Variants in GYS2 observed in about 807,000 individuals in gnomAD.
GYS2 encodes the protein glycogen synthase 2.
GYS2 carries 80 observed loss-of-function variants against 85.6 expected under a neutral mutation model. The ratio of observed to expected loss-of-function variants is 0.93; its 90% CI spans 0.78 to 1.13. The LOEUF is 1.13. Among genes scored for constraint, GYS2 ranks in the 50% most tolerant of loss-of-function variants. The pLI is 0.00. For synonymous variants in GYS2, 328 were observed against 300.7 expected, an observed-to-expected ratio of 1.09 and a Z score of -0.94; for missense variants, 881 against 854.9, an observed-to-expected ratio of 1.03 and a Z score of -0.38.
intron 15 of GYS2, 34 bp downstream of exon 15, chr12:21,539,224 A>G: frequency 9.1e-7 from 1 of 1,104,078 alleles, no homozygotes; most frequent in East Asian, 2.5e-5. Flanking sequence ...AAAAAGAAAT[A>G]TAGCTTTCAA....
intron 11 of GYS2, among the ~76,000 whole-genome samples, chr12:21,553,386 C>G (rs1260461354): frequency 6.6e-6 from 1 of 152,188 alleles, no homozygotes; most frequent in East Asian, 1.9e-4. Context: ...ATAGATCTGC[C>G]AACCCTGGAA....
At chr12:21,563,079 G>C (rs374060558) in intron 6 of GYS2, 41 bp from the exon 7 acceptor site, 12 of 1,445,234 alleles carry the variant, frequency 8.3e-6, no homozygotes, top group Non-Finnish European at 1.2e-5. Flanking sequence ...ATGAAATACA[G>C]CAACAGTAAC....
chr12:21,540,716 CTT>C, intron 13 of GYS2, 143 bp from the exon 14 acceptor site: 1 of 730,110 alleles, frequency 1.4e-6, no homozygotes, highest in Admixed American at 2.0e-5. Context: ...CCACTTTATT[CTT>C]TTCTGAGGCC....
In GYS2 at chr12:21,574,380, G is replaced by A. The variant is rs116790126; in HGVS notation, c.496-54C>T. 4,453 of 1,399,744 alleles carry A rather than the reference G, an allele frequency of 3.2e-3. 111 individuals are homozygous for A. The African/African-American group carries it at 0.053, about 17-fold the overall frequency. 86.7% of individuals were successfully genotyped at this position (1,399,744 alleles called of 1,614,324 possible). A position where few individuals can be genotyped will look rare whatever the true frequency, so the allele number is the denominator to read the frequency against. On this transcript the variant is annotated intron_variant, in intron 3 of 15. Coordinates refer to ENST00000261195, the MANE Select transcript of GYS2 (RefSeq NM_021957.4). ...AAAGTTGTTGATGAAGCTTGATTGT[G>A]CTCATGGTCCACATCATAAGTGGAG...
chr12:21,591,736 G>A (rs1455716157), intron 1 of GYS2, among the ~76,000 whole-genome samples: 2 of 152,040 alleles, frequency 1.3e-5, no homozygotes, highest in East Asian at 3.9e-4. Context: ...AAAACAGCAA[G>A]CAAAATGTCT....
intron 5 of GYS2, among the ~76,000 whole-genome samples, chr12:21,568,143 C>T (rs1944344530): frequency 6.6e-6 from 1 of 151,808 alleles, no homozygotes; most frequent in African/African-American, 2.4e-5. Context: ...TCTGTTTTTG[C>T]TTCTTATAAC....
Position 21,598,174 on chromosome 12 carries a change from A to G in GYS2, c.121+6298T>C, listed in dbSNP as rs1255551559. On this transcript the variant is annotated intron_variant, in intron 1 of 15. Coordinates refer to ENST00000261195, the MANE Select transcript of GYS2 (RefSeq NM_021957.4). The stretch of plus-strand genomic sequence containing the variant: ...ATTATAGTTAAAAACAATATATTGT[A>G]TATTTCAAAATAGTAGAAGAAAGGT... Among the ~76,000 whole-genome samples the G allele has an allele frequency of 4.6e-5, 7 of 152,242 alleles. No individual in the cohort carries two copies. The South Asian group carries it at 6.2e-4, about 14-fold the overall frequency.
chr12:21,542,717 C>A, intron 12 of GYS2, 126 bp from the exon 13 acceptor site: 1 of 711,726 alleles, frequency 1.4e-6, no homozygotes, highest in Non-Finnish European at 2.6e-6. Context: ...AGTCACAACA[C>A]TAAACTCTTT....
At chr12:21,578,329 TA>T (rs952965070) in intron 2 of GYS2, among the ~76,000 whole-genome samples, 11 of 152,212 alleles carry the variant, frequency 7.2e-5, no homozygotes, top group African/African-American at 2.4e-4. Context: ...TGAATTAAAC[TA>T]TTAATTCAAT....
At chr12:21,573,121 T>C (rs2136901395) in intron 4 of GYS2, among the ~76,000 whole-genome samples, 1 of 152,352 alleles carries the variant, frequency 6.6e-6, no homozygotes, top group Non-Finnish European at 1.5e-5. Flanking sequence ...TCAGGACCAC[T>C]CATTGCTTTA....
intron 7 of GYS2, 71 bp from the exon 8 acceptor site, chr12:21,560,563 A>G: frequency 2.5e-6 from 2 of 803,136 alleles, no homozygotes; most frequent in East Asian, 2.4e-5. Context: ...TGGAACTTAA[A>G]CATTGAAAAG....
intron 1 of GYS2, among the ~76,000 whole-genome samples, chr12:21,582,600 T>G (rs752322227): frequency 3.3e-3 from 22 of 6,712 alleles, no homozygotes; most frequent in Non-Finnish European, 0.012. Flanking sequence ...TAGAGATAGA[T>G]ATAGATATAG....
chr12:21,546,434 G>T lies in GYS2; in HGVS notation c.1459C>A (p.Pro487Thr). 6.3e-7 allele frequency: 1 copy of T among 1,597,424 alleles called. No homozygotes were observed. Among genetic ancestry groups the T allele is most frequent in the Non-Finnish European group, 8.6e-7 (1 of 1,165,946 alleles). Reference sequence around the variant, plus strand: ...TCTTCATAGTCCATGGGTAGTAAGGGACTGGTGGAGGATAGAAACTCTGGG... The same window carrying T: ...TCTTCATAGTCCATGGGTAGTAAGGTACTGGTGGAGGATAGAAACTCTGGG... ...LHPEFLSSTS[P>T]LLPMDYEEFV... The change falls in exon 12 of 16, where the codon CCC (proline) becomes ACC (threonine). Residue 487 changes from proline to threonine, a missense_variant. Coordinates refer to ENST00000261195, the MANE Select transcript of GYS2 (RefSeq NM_021957.4).
chr12:21,591,394 A>G (rs1944637399), intron 1 of GYS2, among the ~76,000 whole-genome samples: 1 of 152,124 alleles, frequency 6.6e-6, no homozygotes. Context: ...ATCAAGCAGA[A>G]GAAAAATTTC....
Position 21,558,301 on chromosome 12 carries a change from GC to G in GYS2, c.1320del (p.Leu440PhefsTer4), listed in dbSNP as rs1171141862. ...RAIFSTQRQS[L>X]PPVTTHNMID... ...ATCATGTTGTGCGTGGTCACTGGGG[GC>G]AATGACTGTCGCTGAAGTATGAGAG... On this transcript the variant is annotated frameshift_variant, in exon 11 of 16. Coordinates refer to ENST00000261195, the MANE Select transcript of GYS2 (RefSeq NM_021957.4). LOFTEE classifies it high-confidence loss of function. 1.2e-6 allele frequency: 2 copies of G among 1,606,900 alleles called. No individual in the cohort carries two copies. The highest frequency in any genetic ancestry group is 2.7e-5 in the African/African-American group (2 of 74,740).
At chr12:21,546,570 C>T (rs933090251) in intron 11 of GYS2, 100 bp from the exon 12 acceptor site, 6 of 716,630 alleles carry the variant, frequency 8.4e-6, no homozygotes, top group Non-Finnish European at 1.4e-5. Context: ...CTATAGAATC[C>T]TTATGTTCTA....
intron 3 of GYS2, among the ~76,000 whole-genome samples, chr12:21,575,064 G>A (rs751547871): frequency 2.5e-4 from 38 of 152,058 alleles, no homozygotes; most frequent in African/African-American, 8.0e-4. Context: ...ATAAAATGCC[G>A]TTACATCATT....
downstream of GYS2, chr12:21,535,020 A>G (rs1001997556): frequency 6.6e-6 from 1 of 152,258 alleles, no homozygotes; most frequent in African/African-American, 2.4e-5. Context: ...AAATGACTAC[A>G]GTGGAGAGAT....
intron 1 of GYS2, among the ~76,000 whole-genome samples, chr12:21,600,281 G>GC (rs1350729644): frequency 6.6e-6 from 1 of 151,988 alleles, no homozygotes; most frequent in East Asian, 1.9e-4. Context: ...AGCCTCCATG[G>GC]CCAGCTAGAG....
Sources: gnomAD v4.1 joint callset for allele counts (sites outside exome capture counted in the v4.1 genomes callset) on GRCh38, gnomAD v4.1.1 for gene constraint, MANE v1.5 for transcripts, NCBI Gene and HGNC (gene_info 2026-07-23, HGNC 2026-07-21) for gene names.